Variants in ZNF454 observed in about 807,000 individuals in gnomAD.
ZNF454 encodes zinc finger protein 454.
ZNF454 carries 30 observed loss-of-function variants against 48.2 expected under a neutral mutation model. The observed-to-expected ratio is 0.62, with a 90% CI of 0.47 to 0.84. The LOEUF is 0.84. Ranked by LOEUF, ZNF454 falls within the 40% of genes least tolerant of loss-of-function variation. The pLI, the probability that ZNF454 is intolerant of heterozygous loss-of-function variation, is 0.00. For synonymous variants in ZNF454, 204 were observed against 211.4 expected, an observed-to-expected ratio of 0.97 and a Z score of 0.30; for missense variants, 510 against 623.1, an observed-to-expected ratio of 0.82 and a Z score of 1.93.
At chr5:178,972,788 G>C in the ZNF454 span, among the ~76,000 whole-genome samples, 1 of 152,010 alleles carries the variant, frequency 6.6e-6, no homozygotes, top group African/African-American at 2.4e-5. Context: ...GGGAAGATGT[G>C]GGGGAAGGGC....
exon 5 of ZNF454, chr5:178,966,427 CAGTCTCAAAAAAAAAAAAAAAAAAA>C (rs1188962577): frequency 8.1e-6 from 1 of 124,146 alleles, no homozygotes; most frequent in East Asian, 2.5e-4. Flanking sequence ...GAGCAAGACT[CAGTCTCAAAAAAAAAAAAAAAAAAA>C]AGAATGGCAA....
chr5:178,964,078 T>C (rs989673398), intron 4 of ZNF454, among the ~76,000 whole-genome samples: 4 of 151,616 alleles, frequency 2.6e-5, no homozygotes, highest in Non-Finnish European at 4.4e-5. Context: ...TTCTCTATTA[T>C]CACAAAGAAA....
At chr5:178,961,092 G>T (rs10053392) in intron 4 of ZNF454, among the ~76,000 whole-genome samples, 1 of 150,932 alleles carries the variant, frequency 6.6e-6, no homozygotes, top group South Asian at 2.1e-4. Context: ...CACTGCACCC[G>T]GCTAATTTTT....
At chr5:178,943,071 A>G (rs756854299) in intron 2 of ZNF454, among the ~76,000 whole-genome samples, 8 of 152,208 alleles carry the variant, frequency 5.3e-5, no homozygotes, top group Non-Finnish European at 1.0e-4. Flanking sequence ...GGTCCCTGTG[A>G]AATCAAAACC....
At chr5:178,971,653 CCTGA>C in the ZNF454 span, among the ~76,000 whole-genome samples, 2 of 150,764 alleles carry the variant, frequency 1.3e-5, no homozygotes, top group African/African-American at 2.4e-5. Flanking sequence ...TTGAGACCAT[CCTGA>C]CTAACACAGT....
At chr5:178,942,897 G>T (rs544482476) in intron 2 of ZNF454, 73 bp downstream of exon 2, 1 of 1,540,662 alleles carries the variant, frequency 6.5e-7, no homozygotes, top group East Asian at 2.3e-5. Context: ...TCCTCAGACC[G>T]GGAGCTTTAT....
the ZNF454 span, chr5:178,979,527 G>C: frequency 6.6e-6 from 1 of 152,208 alleles, no homozygotes; most frequent in South Asian, 2.1e-4. Flanking sequence ...CTGCCAGAGA[G>C]GCCCACAGGC....
At chr5:178,948,212 T>C (rs921524600) in intron 4 of ZNF454, 6 of 150,086 alleles carry the variant, frequency 4.0e-5, no homozygotes, top group Admixed American at 2.0e-4. Flanking sequence ...ACCTCATGTG[T>C]CTAGAAATTA....
chr5:178,975,105 C>G, the ZNF454 span, among the ~76,000 whole-genome samples: 1 of 152,148 alleles, frequency 6.6e-6, no homozygotes, highest in Non-Finnish European at 1.5e-5. Flanking sequence ...GTCAGGAGTT[C>G]AAGACCAGCC....
chr5:178,974,464 G>A, the ZNF454 span, among the ~76,000 whole-genome samples: 9 of 152,182 alleles, frequency 5.9e-5, no homozygotes, highest in Non-Finnish European at 1.3e-4. Context: ...GACTACAGGC[G>A]CCCGCCACCA....
At chr5:178,969,646 T>G (rs147685694), downstream of ZNF454, 3,668 of 456,688 alleles carry the variant, frequency 8.0e-3, 21 homozygotes, top group Non-Finnish European at 0.012. Flanking sequence ...GACCATGACC[T>G]TCACATGAGG....
At chr5:178,947,182 C>G (rs1397104185) in intron 4 of ZNF454, among the ~76,000 whole-genome samples, 196 bp downstream of exon 4, 2 of 152,200 alleles carry the variant, frequency 1.3e-5, no homozygotes, top group African/African-American at 4.8e-5. Flanking sequence ...CCTGGACCCT[C>G]CCCGCAATGA....
downstream of ZNF454, among the ~76,000 whole-genome samples, chr5:178,968,105 T>TCACA (rs3031585): frequency 0.2 from 29,473 of 144,858 alleles, 3,038 homozygotes; most frequent in African/African-American, 0.24. Context: ...CATCTGTGCA[T>TCACA]CACACACACA....
intron 4 of ZNF454, among the ~76,000 whole-genome samples, chr5:178,962,190 G>A (rs1162061507): frequency 1.3e-5 from 2 of 151,398 alleles, no homozygotes; most frequent in African/African-American, 4.8e-5. Context: ...CGCTTCAGAT[G>A]TTACTTCATT....
intron 4 of ZNF454, among the ~76,000 whole-genome samples, chr5:178,957,921 C>T (rs1759843216): frequency 6.6e-6 from 1 of 151,994 alleles, no homozygotes; most frequent in Admixed American, 6.6e-5. Context: ...AATAATTACC[C>T]TCAAAAAATA....
At chr5:178,942,884 G>C (rs930487078) in intron 2 of ZNF454, 60 bp downstream of exon 2, 2 of 1,571,862 alleles carry the variant, frequency 1.3e-6, no homozygotes, top group Non-Finnish European at 1.7e-6. Flanking sequence ...TGGCATGTTT[G>C]CTTCCTCAGA....
intron 4 of ZNF454, among the ~76,000 whole-genome samples, chr5:178,961,884 C>A (rs116355294): frequency 0.016 from 2,366 of 150,836 alleles, 67 homozygotes; most frequent in African/African-American, 0.055. Flanking sequence ...TATTTTAATT[C>A]CACATATATT....
chr5:178,983,584 T>C, the ZNF454 span: 18,902 of 427,166 alleles, frequency 0.044, 677 homozygotes, highest in East Asian at 0.14. Context: ...TAGATGGATG[T>C]GGCCGGAAGC....
At chr5:178,961,291 A>G (rs1047755915) in intron 4 of ZNF454, among the ~76,000 whole-genome samples, 1 of 151,564 alleles carries the variant, frequency 6.6e-6, no homozygotes, top group African/African-American at 2.4e-5. Context: ...TATATCTACT[A>G]TCCTATTATT....
Sources: gnomAD v4.1 joint callset for allele counts (sites outside exome capture counted in the v4.1 genomes callset) on GRCh38, gnomAD v4.1.1 for gene constraint, MANE v1.5 for transcripts, NCBI Gene and HGNC (gene_info 2026-07-23, HGNC 2026-07-21) for gene names.